CENPT: variants seen among roughly 807,000 people sequenced by gnomAD.
CENPT encodes the protein interphase centromere complex protein 22.
A neutral mutation model predicts 59.7 loss-of-function variants in CENPT; 42 were observed. That is an observed-to-expected ratio of 0.70 (90% CI 0.55 to 0.91). CENPT has a LOEUF of 0.91. Among genes scored for constraint, CENPT ranks in the 40% least tolerant of loss-of-function variants. The probability of loss-of-function intolerance (pLI) is 0.00; values close to 1 mark genes in which losing one functional copy is unlikely to be tolerated. For missense variants in CENPT, 716 were observed against 713.4 expected, an observed-to-expected ratio of 1.00 and a Z score of -0.04; for synonymous variants, 295 against 289.6, an observed-to-expected ratio of 1.02 and a Z score of -0.19.
chr16:67,841,787 C>T (rs2057762771), intron 1 of CENPT: 1 of 152,210 alleles, frequency 6.6e-6, no homozygotes, highest in East Asian at 1.9e-4. Context: ...GAGTCCCCAA[C>T]GCAAAGAAAG....
chr16:67,829,777 A>G lies in CENPT; in HGVS notation c.1174T>C (p.Ser392Pro), dbSNP rs1421006123. 1.2e-6 allele frequency: 2 copies of G among 1,613,838 alleles called. No individual in the cohort carries two copies. Among genetic ancestry groups the G allele is most frequent in the East Asian group, 2.2e-5 (1 of 44,884 alleles). The change falls in exon 12 of 16, where the codon TCT (serine) becomes CCT (proline). Residue 392 changes from serine to proline, a missense_variant. Transcript: ENST00000562787. ...CTGGGCCTCTTACCTGCCCTGCCAG[A>G]GGCATCCTCATCCCCTGAAGATGCT... ...PGASSGDEDA[S>P]GRAASPESAS...
Position 67,831,241 on chromosome 16 carries a change from C to T in CENPT, c.678G>A (p.Leu226=), listed in dbSNP as rs764546512. ...TTGGAGGAGCCAGGGAAGTATCTCG[C>T]AGATCCCGCAAAAAGGCACCCACGT... ...AVDVGAFLRD[L]RDTSLAPPNI... is the part of the protein sequence containing the mutation. The change falls in exon 10 of 16, where the codon CTG becomes CTA. Residue 226 remains leucine, a synonymous_variant. Transcript: ENST00000562787. The T allele has an allele frequency of 1.1e-5, 17 of 1,613,998 alleles. 1 individual carries two copies. Among genetic ancestry groups the T allele is most frequent in the Middle Eastern group, 1.6e-4 (1 of 6,084 alleles).
chr16:67,846,889 A>T (rs1191615280), intron 1 of CENPT: 1 of 152,204 alleles, frequency 6.6e-6, no homozygotes, highest in Non-Finnish European at 1.5e-5. Context: ...CCCAGAGTGC[A>T]GCGGGGCGGG....
chr16:67,828,838 G>A lies in CENPT; in HGVS notation c.1286C>T (p.Ser429Phe), dbSNP rs945469155. The change falls in exon 14 of 16, where the codon TCT (serine) becomes TTT (phenylalanine). Residue 429 changes from serine to phenylalanine, a missense_variant. By Grantham distance (155) the Ser-to-Phe change is radical (BLOSUM62 -2). Transcript: ENST00000562787. ...CAACAGAGGCTCTGCAGGCTCTGAAGATAAGCTGAGGGCAACAGTGGACAG... is the reference window on the plus strand; with the variant it reads ...CAACAGAGGCTCTGCAGGCTCTGAAAATAAGCTGAGGGCAACAGTGGACAG... ...PAPAPGAAVL[S>F]SEPAEPLLVR... is the part of the protein sequence containing the mutation. 9.5e-6 allele frequency: 15 copies of A among 1,580,108 alleles called. No homozygotes were observed. The highest frequency in any genetic ancestry group is 2.1e-5 in the Admixed American group (1 of 47,602).
rs913761193 is a variant in CENPT at position 67,832,606 on chromosome 16, A to G, written c.111-61T>C. 53 of 1,449,062 alleles carry G rather than the reference A, an allele frequency of 3.7e-5. No homozygotes were observed. The African/African-American group carries it at 6.7e-4, about 18-fold the overall frequency. 89.8% of individuals were successfully genotyped at this position (1,449,062 alleles called of 1,614,324 possible). ...GTGAGGAGGGATAGAGAATATAGAG[A>G]CATGCCTTCATCAGGGGTCTTGGTC... On this transcript the variant is annotated intron_variant, in intron 4 of 15. Coordinates refer to ENST00000562787, the MANE Select transcript of CENPT (RefSeq NM_025082.4).
chr16:67,842,908 G>C lies in CENPT; in HGVS notation c.-492+4493C>G. The C allele has an allele frequency of 6.4e-7, 1 of 1,572,562 alleles. No individual in the cohort carries two copies. Among genetic ancestry groups the C allele is most frequent in the Non-Finnish European group, 8.6e-7 (1 of 1,159,642 alleles). On this transcript the variant is annotated intron_variant, in intron 1 of 15. Transcript: ENST00000562787. This position sits in a 1 kb window ranked among gnomAD's most constrained non-coding sequence, Gnocchi z 4.9. Reference sequence around the variant, plus strand: ...AGCAGCAGCAACAGCAGCAACAGCAGCAGCAGCAGCAACAGCAGCAGCAGC... The same window carrying C: ...AGCAGCAGCAACAGCAGCAACAGCACCAGCAGCAGCAACAGCAGCAGCAGC...
chr16:67,829,516 G>A lies in CENPT; in HGVS notation c.1187C>T (p.Ala396Val). 6.3e-7 allele frequency: 1 copy of A among 1,595,996 alleles called. No homozygotes were observed. Among genetic ancestry groups the A allele is most frequent in the Non-Finnish European group, 8.5e-7 (1 of 1,175,144 alleles). ...SGDEDASGRA[A>V]SPESASSTPE... ...GGTGCTGGAGGCCGACTCTGGACTT[G>A]CTACAAAGAAGAAGGGTGGGGTCAC... The change falls in exon 13 of 16, where the codon GCA becomes GTA. Residue 396 changes from alanine (A) to valine (V), a missense_variant and splice_region_variant. Transcript: ENST00000562787.
intron 3 of CENPT, among the ~76,000 whole-genome samples, chr16:67,834,379 G>A (rs778318118): frequency 1.3e-5 from 2 of 152,300 alleles, no homozygotes. Context: ...ACACCGAGGC[G>A]GGAGGATAGC....
rs114895738 is a variant in CENPT at position 67,832,554 on chromosome 16, A to T, written c.111-9T>A. ...GCAGGGCTCTCCGGGCTCTGTGTAA[A>T]GACCAGCAATTATGCCGAGAATTAC... On this transcript the variant is annotated splice_polypyrimidine_tract_variant and intron_variant, in intron 4 of 15. Transcript: ENST00000562787. 1,417 of 1,611,776 alleles carry T rather than the reference A, an allele frequency of 8.8e-4. 7 individuals carry two copies. The African/African-American group carries it at 0.016, about 18-fold the overall frequency.
intron 12 of CENPT, 56 bp downstream of exon 12, chr16:67,829,709 T>A: frequency 6.4e-7 from 1 of 1,556,860 alleles, no homozygotes. Flanking sequence ...GGCCTTTCTG[T>A]GTGCTAGGGC....
chr16:67,840,692 G>C (rs963387088), intron 1 of CENPT, among the ~76,000 whole-genome samples: 1 of 151,974 alleles, frequency 6.6e-6, no homozygotes, highest in Non-Finnish European at 1.5e-5. Flanking sequence ...GGTGACACGA[G>C]TTCACCTATG....
intron 1 of CENPT, chr16:67,841,865 G>A (rs1439467415): frequency 6.6e-6 from 1 of 152,300 alleles, no homozygotes; most frequent in Non-Finnish European, 1.5e-5. Context: ...CAATGCCGTC[G>A]ACTCAAAGGG....
chr16:67,828,866 G>A (rs541709074), intron 13 of CENPT, 23 bp from the exon 14 acceptor site: 6 of 1,557,532 alleles, frequency 3.9e-6, no homozygotes, highest in Non-Finnish European at 5.2e-6. Flanking sequence ...GTGGACAGAG[G>A]GGGCTGAACT....
chr16:67,829,291 C>T (rs894377926), intron 13 of CENPT, 132 bp downstream of exon 13: 1 of 725,448 alleles, frequency 1.4e-6, no homozygotes, highest in Non-Finnish European at 2.1e-6. Flanking sequence ...TGAGCTCTCC[C>T]CAGCCCAGCT....
At position 67,843,512 on chromosome 16, in the gene CENPT, G is replaced by A; in HGVS notation, c.-492+3889C>T. On this transcript the variant is annotated intron_variant, in intron 1 of 15. Transcript: ENST00000562787. The surrounding 1 kb of genome is among the most constrained non-coding windows in gnomAD (Gnocchi z 5.7). ...GCACGGAATGTGAACTGGTGCCCCGGCAGCCTGCTGGACTCCCAGACCCCA... is the reference window on the plus strand; with the variant it reads ...GCACGGAATGTGAACTGGTGCCCCGACAGCCTGCTGGACTCCCAGACCCCA... 2 of 1,594,476 alleles carry A rather than the reference G, an allele frequency of 1.3e-6. No individual in the cohort carries two copies. Among genetic ancestry groups the A allele is most frequent in the East Asian group, 4.5e-5 (2 of 44,804 alleles).
chr16:67,839,804 G>GTGGA (rs2057751257), intron 1 of CENPT, among the ~76,000 whole-genome samples: 1 of 151,914 alleles, frequency 6.6e-6, no homozygotes, highest in Admixed American at 6.6e-5. Flanking sequence ...AACCTGGGAG[G>GTGGA]TGGAGGTTGC....
chr16:67,841,193 CAAAAAAAAAAAAA>C (rs772893427), intron 1 of CENPT, among the ~76,000 whole-genome samples: 1 of 27,574 alleles, frequency 3.6e-5, no homozygotes, highest in Non-Finnish European at 8.1e-5. Flanking sequence ...GACTCCTTTA[CAAAAAAAAAAAAA>C]AAAAAAAAAA....
intron 1 of CENPT, among the ~76,000 whole-genome samples, chr16:67,839,593 C>T (rs1466249945): frequency 3.3e-5 from 5 of 151,710 alleles, no homozygotes; most frequent in Non-Finnish European, 5.9e-5. Context: ...AATAAATAGG[C>T]TGGGCACGGT....
Position 67,829,427 on chromosome 16 carries a change from C to A in CENPT, c.1276G>T (p.Ala426Ser), listed in dbSNP as rs1184592365. The part of the protein sequence containing the change: ...FLEPAPAPGA[A>S]VLSSEPAEPL... The stretch of plus-strand genomic sequence containing the variant: ...AATGGGGTTGTGGGATCTTACACTG[C>A]AGCACCAGGCGCTGGGGCTGGCTCA... The change falls in exon 13 of 16, where the codon GCA becomes TCA. Residue 426 changes from alanine (A) to serine (S), a missense_variant. Physicochemically the swap from Ala to Ser is moderately conservative, Grantham distance 99. Transcript: ENST00000562787. 2.5e-6 allele frequency: 4 copies of A among 1,587,094 alleles called. No homozygotes were observed. The African/African-American group carries it at 4.1e-5, about 16-fold the overall frequency.
Sources: allele counts gnomAD v4.1 joint callset (sites outside exome capture counted in the v4.1 genomes callset), GRCh38; gene constraint gnomAD v4.1.1; non-coding constraint Gnocchi (gnomAD v3.1); transcripts MANE v1.5; gene names NCBI Gene and HGNC (gene_info 2026-07-23, HGNC 2026-07-21).